The following FHIT variants were observed in gnomAD, a reference collection of about 807,000 sequenced individuals.
FHIT encodes fragile histidine triad diadenosine triphosphatase.
A neutral mutation model predicts 17.9 loss-of-function variants in FHIT; 19 were observed. The observed-to-expected ratio is 1.06, with a 90% CI of 0.74 to 1.56. The LOEUF is 1.56. FHIT is among the 40% of genes most tolerant of loss of function. FHIT has a pLI of 0.00. For synonymous variants in FHIT, 81 were observed against 69.7 expected, an observed-to-expected ratio of 1.16 and a Z score of -0.81; for missense variants, 248 against 189.2, an observed-to-expected ratio of 1.31 and a Z score of -1.82.
intron 5 of FHIT, among the ~76,000 whole-genome samples, chr3:60,123,999 T>TAGAG (rs1705396189): frequency 3.6e-4 from 11 of 30,914 alleles, no homozygotes; most frequent in Non-Finnish European, 5.6e-4. Flanking sequence ...TATATATATA[T>TAGAG]ATATATATAT....
At chr3:60,336,375 A>T (rs1710241388) in intron 5 of FHIT, among the ~76,000 whole-genome samples, 1 of 152,256 alleles carries the variant, frequency 6.6e-6, no homozygotes, top group African/African-American at 2.4e-5. Flanking sequence ...GGAGATTAAA[A>T]GTAATCAGTC....
intron 3 of FHIT, among the ~76,000 whole-genome samples, chr3:60,946,213 T>C (rs1298623355): frequency 6.6e-6 from 1 of 152,148 alleles, no homozygotes; most frequent in Admixed American, 6.5e-5. Flanking sequence ...GAGATGCTAA[T>C]GTCACCTGAG....
intron 4 of FHIT, among the ~76,000 whole-genome samples, chr3:60,787,454 G>C (rs895702323): frequency 7.9e-5 from 12 of 152,194 alleles, no homozygotes; most frequent in Non-Finnish European, 1.6e-4. Context: ...GATCACTGTT[G>C]TAATTAGGTA....
intron 5 of FHIT, among the ~76,000 whole-genome samples, chr3:60,192,566 T>C (rs1702454270): frequency 1.3e-5 from 2 of 152,170 alleles, no homozygotes; most frequent in African/African-American, 4.8e-5. Context: ...AGAGATTGAG[T>C]TGAGCCATGC....
At chr3:60,034,139 C>A (rs1022586587) in intron 5 of FHIT, among the ~76,000 whole-genome samples, 1 of 152,234 alleles carries the variant, frequency 6.6e-6, no homozygotes, top group South Asian at 2.1e-4. Flanking sequence ...GGTACTCTAA[C>A]TGTCCCTGCT....
At chr3:60,045,518 C>G (rs1701617763) in intron 5 of FHIT, among the ~76,000 whole-genome samples, 1 of 152,048 alleles carries the variant, frequency 6.6e-6, no homozygotes, top group African/African-American at 2.4e-5. Flanking sequence ...CCACTGTATC[C>G]CTCCCACAAC....
At chr3:60,476,185 C>T (rs973415372) in intron 5 of FHIT, among the ~76,000 whole-genome samples, 7 of 152,168 alleles carry the variant, frequency 4.6e-5, no homozygotes, top group African/African-American at 1.7e-4. Context: ...GTACCTGAGC[C>T]TCAGTGTCCC....
At chr3:60,647,602 C>T (rs1553687102) in intron 4 of FHIT, among the ~76,000 whole-genome samples, 1 of 152,128 alleles carries the variant, frequency 6.6e-6, no homozygotes, top group African/African-American at 2.4e-5. Flanking sequence ...TAGTCCCCTG[C>T]TCAAAATAAC....
At chr3:60,876,518 T>C (rs1704663500) in intron 3 of FHIT, among the ~76,000 whole-genome samples, 1 of 152,224 alleles carries the variant, frequency 6.6e-6, no homozygotes, top group Admixed American at 6.5e-5. Context: ...GAGCTTGTAC[T>C]GCCAAGTATT....
intron 5 of FHIT, among the ~76,000 whole-genome samples, chr3:60,084,376 G>C (rs1278544063): frequency 6.6e-6 from 1 of 152,066 alleles, no homozygotes; most frequent in Non-Finnish European, 1.5e-5. Flanking sequence ...CTTTACAGAG[G>C]TGCTATTGTC....
At chr3:60,527,468 G>A (rs945390147) in intron 5 of FHIT, among the ~76,000 whole-genome samples, 1 of 152,192 alleles carries the variant, frequency 6.6e-6, no homozygotes, top group African/African-American at 2.4e-5. Context: ...AAACCTATCA[G>A]AAAGGAGAAA....
chr3:60,524,718 C>T (rs1440822062), intron 5 of FHIT, among the ~76,000 whole-genome samples: 3 of 123,988 alleles, frequency 2.4e-5, no homozygotes, highest in African/African-American at 9.3e-5. Flanking sequence ...CCACATCACT[C>T]CAGTCTGCCT....
chr3:59,756,343 C>T (rs1312722039), intron 8 of FHIT, among the ~76,000 whole-genome samples: 1 of 152,220 alleles, frequency 6.6e-6, no homozygotes, highest in East Asian at 1.9e-4. Flanking sequence ...CTCACTAATC[C>T]CTAATCCTCA....
intron 5 of FHIT, among the ~76,000 whole-genome samples, chr3:60,156,340 A>T (rs55851639): frequency 6.7e-6 from 1 of 148,258 alleles, no homozygotes; most frequent in Non-Finnish European, 1.5e-5. Flanking sequence ...ACAGAGTGAG[A>T]CTCTGTCTCA....
chr3:60,859,128 A>G (rs1703508822), intron 3 of FHIT, among the ~76,000 whole-genome samples: 1 of 152,186 alleles, frequency 6.6e-6, no homozygotes, highest in South Asian at 2.1e-4. Context: ...ATAAAAATAA[A>G]GCCCCACTAA....
chr3:60,592,224 A>G (rs1553664587), intron 4 of FHIT, among the ~76,000 whole-genome samples: 12 of 147,254 alleles, frequency 8.1e-5, no homozygotes, highest in Non-Finnish European at 6.0e-5. Flanking sequence ...CTATATATAT[A>G]TATACTATAT....
chr3:60,287,794 G>GA (rs1707796541), intron 5 of FHIT, among the ~76,000 whole-genome samples: 1 of 131,738 alleles, frequency 7.6e-6, no homozygotes, highest in East Asian at 2.3e-4. Flanking sequence ...TAAGCTGAGG[G>GA]AAACTGCACA....
chr3:61,116,351 C>G (rs2036298345), intron 2 of FHIT, among the ~76,000 whole-genome samples: 1 of 152,084 alleles, frequency 6.6e-6, no homozygotes, highest in Non-Finnish European at 1.5e-5. Flanking sequence ...AAATGATGTG[C>G]CACAAATGTG....
chr3:60,394,296 G>T (rs1322335027), intron 5 of FHIT, among the ~76,000 whole-genome samples: 1 of 152,126 alleles, frequency 6.6e-6, no homozygotes, highest in African/African-American at 2.4e-5. Context: ...TTGAGAAACA[G>T]ATCAACCCAC....
Sources: gnomAD v4.1 joint callset for allele counts (sites outside exome capture counted in the v4.1 genomes callset) on GRCh38, gnomAD v4.1.1 for gene constraint, MANE v1.5 for transcripts, NCBI Gene and HGNC (gene_info 2026-07-23, HGNC 2026-07-21) for gene names.